Variants in KIF21A observed in about 807,000 individuals in gnomAD.
The protein encoded by KIF21A is kinesin-like protein KIF21A.
Under a neutral mutation model 202.9 loss-of-function variants are expected in KIF21A, and 114 were observed. That is an observed-to-expected ratio of 0.56 (90% confidence interval 0.48 to 0.66). The LOEUF (loss-of-function observed/expected upper bound fraction) is 0.66, where lower values mean the gene tolerates loss of function less well. KIF21A is among the 30% of genes least tolerant of loss of function. KIF21A has a pLI of 0.00. For synonymous variants in KIF21A, 667 were observed against 670.8 expected (o/e 0.99, Z 0.09); for missense variants, 1,677 against 1,994.9 (o/e 0.84, Z 3.04).
chr12:39,389,262 T>C (rs1951177167), intron 1 of KIF21A, among the ~76,000 whole-genome samples: 1 of 149,888 alleles, frequency 6.7e-6, no homozygotes, highest in South Asian at 2.1e-4. Context: ...CAAAGAAAAA[T>C]AGTTAATAAT....
chr12:39,321,665 A>G (rs1202214573), intron 27 of KIF21A: 2 of 152,226 alleles, frequency 1.3e-5, no homozygotes, highest in African/African-American at 4.8e-5. Context: ...ATGGAAAACA[A>G]TGGAAATGTC....
intron 16 of KIF21A, among the ~76,000 whole-genome samples, chr12:39,338,713 C>A (rs117567531): frequency 1.2e-4 from 18 of 152,202 alleles, no homozygotes; most frequent in Non-Finnish European, 2.1e-4. Context: ...GGTTTCCCAG[C>A]GCATATAAAG....
intron 1 of KIF21A, among the ~76,000 whole-genome samples, chr12:39,388,363 A>C (rs769723993): frequency 6.6e-6 from 1 of 152,164 alleles, no homozygotes; most frequent in Non-Finnish European, 1.5e-5. Context: ...ACCAGAAGCA[A>C]TGCTTCTTAC....
Position 39,307,647 on chromosome 12 carries a change from T to C in KIF21A, c.4360A>G (p.Ile1454Val), listed in dbSNP as rs749073888. The C allele has an allele frequency of 1.2e-6, 2 of 1,614,054 alleles. No homozygotes were observed. Among genetic ancestry groups the C allele is most frequent in the South Asian group, 1.1e-5 (1 of 91,078 alleles). ...TVAIPSGENQ[I>V]NQIALNPTGT... ...GTTGGGTTTAGGGCAATTTGATTGA[T>C]CTGGTTCTCTCCAGAAGGAATAGCT... The change falls in exon 34 of 38, where the codon ATC becomes GTC. Residue 1454 changes from isoleucine to valine, a missense_variant. Physicochemically the swap from Ile to Val is conservative, Grantham distance 29. Around this residue, in one of 3 missense-constraint regions of KIF21A, gnomAD observed 705 missense variants for 791.9 expected, o/e 0.89. Coordinates refer to ENST00000361418, the MANE Select transcript of KIF21A (RefSeq NM_001173464.2).
intron 1 of KIF21A, among the ~76,000 whole-genome samples, chr12:39,414,685 C>A (rs1953391937): frequency 6.6e-6 from 1 of 152,120 alleles, no homozygotes; most frequent in African/African-American, 2.4e-5. Flanking sequence ...GAAGTCTAAG[C>A]AGATATGCAG....
At chr12:39,441,660 TAAAAAAAAA>T (rs56245570) in intron 1 of KIF21A, among the ~76,000 whole-genome samples, 10 of 37,788 alleles carry the variant, frequency 2.6e-4, no homozygotes, top group Non-Finnish European at 5.0e-4. Context: ...CCCTGGGTGG[TAAAAAAAAA>T]AAAAAAAAAA....
intron 1 of KIF21A, among the ~76,000 whole-genome samples, chr12:39,419,652 AC>A (rs1954077377): frequency 2.0e-5 from 3 of 152,222 alleles, no homozygotes; most frequent in Admixed American, 6.5e-5. Flanking sequence ...TGGCCCTTCA[AC>A]CATAAGCCCT....
At chr12:39,431,284 T>A (rs575578507) in intron 1 of KIF21A, among the ~76,000 whole-genome samples, 1 of 152,278 alleles carries the variant, frequency 6.6e-6, no homozygotes, top group South Asian at 2.1e-4. Context: ...AGACCCCAGT[T>A]GGGACAAAAG....
intron 1 of KIF21A, among the ~76,000 whole-genome samples, chr12:39,416,689 A>ATATATATATGTACATATATGTGTGTG (rs1953681878): frequency 1.1e-5 from 1 of 94,740 alleles, no homozygotes; most frequent in Admixed American, 1.1e-4. Context: ...ATATGTGTGT[A>ATATATATATGTACATATATGTGTGTG]TATATATATG....
At chr12:39,340,081 G>T in intron 16 of KIF21A, 84 bp downstream of exon 16, 1 of 1,065,908 alleles carries the variant, frequency 9.4e-7, no homozygotes, top group Non-Finnish European at 1.4e-6. Context: ...AATATGGAAA[G>T]AACCACAAGA....
At chr12:39,353,986 G>A (rs868776352) in intron 10 of KIF21A, among the ~76,000 whole-genome samples, 13 of 152,200 alleles carry the variant, frequency 8.5e-5, no homozygotes, top group Middle Eastern at 3.4e-3. Context: ...GGAGCACACT[G>A]AGGGCTTGCA....
chr12:39,384,777 A>C (rs1270281691), intron 1 of KIF21A, among the ~76,000 whole-genome samples: 1 of 152,184 alleles, frequency 6.6e-6, no homozygotes, highest in Non-Finnish European at 1.5e-5. Context: ...TCAATGCAAG[A>C]GCTGGGTGGC....
At chr12:39,434,847 T>C (rs1938460304) in intron 1 of KIF21A, among the ~76,000 whole-genome samples, 2 of 152,328 alleles carry the variant, frequency 1.3e-5, no homozygotes, top group African/African-American at 4.8e-5. Flanking sequence ...AGGTCTCTTG[T>C]TCCCACTTGC....
At chr12:39,337,318 C>T in intron 16 of KIF21A, 115 bp from the exon 17 acceptor site, 1 of 727,522 alleles carries the variant, frequency 1.4e-6, no homozygotes, top group Non-Finnish European at 2.5e-6. Context: ...TGGAAACATG[C>T]AGTTTTGCTG....
At chr12:39,310,905 C>T (rs1565684054) in intron 32 of KIF21A, among the ~76,000 whole-genome samples, 1 of 152,006 alleles carries the variant, frequency 6.6e-6, no homozygotes, top group Non-Finnish European at 1.5e-5. Flanking sequence ...CACTTACTAG[C>T]TAAATTTACC....
chr12:39,376,657 C>G (rs1950288836), intron 1 of KIF21A, among the ~76,000 whole-genome samples: 1 of 152,140 alleles, frequency 6.6e-6, no homozygotes, highest in African/African-American at 2.4e-5. Flanking sequence ...CTTACGTGTG[C>G]AAGAACCCAT....
chr12:39,414,928 ATT>A (rs201597276), intron 1 of KIF21A, among the ~76,000 whole-genome samples: 3 of 139,528 alleles, frequency 2.2e-5, no homozygotes, highest in Non-Finnish European at 1.6e-5. Context: ...TGTTTTTTGG[ATT>A]TTTTTTTTTT....
chr12:39,335,041 A>G (rs1232989729), intron 17 of KIF21A, among the ~76,000 whole-genome samples: 2 of 152,182 alleles, frequency 1.3e-5, no homozygotes, highest in East Asian at 3.8e-4. Context: ...CAAACAAAAC[A>G]TATTCTATCT....
intron 29 of KIF21A, 143 bp from the exon 30 acceptor site, chr12:39,316,113 A>T (rs978133311): frequency 1.4e-6 from 1 of 716,086 alleles, no homozygotes; most frequent in Non-Finnish European, 2.6e-6. Context: ...TTCTACTTGC[A>T]CTGGATATTA....
Sources: gnomAD v4.1 joint callset for allele counts (sites outside exome capture counted in the v4.1 genomes callset) on GRCh38, gnomAD v4.1.1 for gene constraint, gnomAD v4.1.1 regional missense constraint, MANE v1.5 for transcripts, NCBI Gene and HGNC (gene_info 2026-07-23, HGNC 2026-07-21) for gene names.